Variants in NEGR1 observed in about 807,000 individuals in gnomAD.
NEGR1 encodes the protein IgLON family member 4.
Under a neutral mutation model 40.9 loss-of-function variants are expected in NEGR1, and 10 were observed. The ratio of observed to expected loss-of-function variants is 0.24; its 90% CI spans 0.15 to 0.42. The LOEUF (loss-of-function observed/expected upper bound fraction) is 0.42. Ranked by LOEUF, NEGR1 falls within the 10% of genes least tolerant of loss-of-function variation. The pLI, the probability that NEGR1 is intolerant of heterozygous loss-of-function variation, is 1.00. For synonymous variants in NEGR1, 185 were observed against 166.8 expected, an observed-to-expected ratio of 1.11 and a Z score of -0.84; for missense variants, 352 against 438.9, an observed-to-expected ratio of 0.80 and a Z score of 1.77.
At chr1:72,144,927 T>C (rs926959567) in intron 1 of NEGR1, among the ~76,000 whole-genome samples, 2 of 152,118 alleles carry the variant, frequency 1.3e-5, no homozygotes, top group Non-Finnish European at 2.9e-5. Flanking sequence ...AATATAGATA[T>C]GCAACTCAGT....
chr1:71,454,283 A>G (rs1430882139), intron 6 of NEGR1, among the ~76,000 whole-genome samples: 2 of 151,906 alleles, frequency 1.3e-5, no homozygotes, highest in Non-Finnish European at 2.9e-5. Context: ...TCTCCTTTTT[A>G]GAGCTTATGG....
intron 4 of NEGR1, among the ~76,000 whole-genome samples, chr1:71,620,436 T>C (rs570942541): frequency 1.2e-4 from 18 of 152,130 alleles, no homozygotes; most frequent in African/African-American, 4.3e-4. Flanking sequence ...ATAAGATGTG[T>C]TCAATATATT....
chr1:71,793,159 G>A (rs1352557042), intron 2 of NEGR1, among the ~76,000 whole-genome samples: 13 of 140,800 alleles, frequency 9.2e-5, no homozygotes, highest in South Asian at 4.6e-4. Flanking sequence ...TGGGCTGCCT[G>A]TAGGAACAAT....
At chr1:71,986,372 T>C (rs935594950) in intron 1 of NEGR1, among the ~76,000 whole-genome samples, 1 of 152,172 alleles carries the variant, frequency 6.6e-6, no homozygotes, top group Non-Finnish European at 1.5e-5. Flanking sequence ...TTTTCGTTTC[T>C]ACTTCTTTGA....
chr1:71,845,671 G>C (rs914703941), intron 2 of NEGR1, among the ~76,000 whole-genome samples: 2 of 152,132 alleles, frequency 1.3e-5, no homozygotes, highest in African/African-American at 4.8e-5. Context: ...GGTAGAAAGA[G>C]AGTAAGTTGA....
At chr1:72,056,904 T>C (rs567320468) in intron 1 of NEGR1, among the ~76,000 whole-genome samples, 1 of 151,692 alleles carries the variant, frequency 6.6e-6, no homozygotes, top group South Asian at 2.1e-4. Flanking sequence ...CACATAGTTA[T>C]ATTACACATG....
chr1:72,262,745 A>G (rs1655501070), intron 1 of NEGR1, among the ~76,000 whole-genome samples: 1 of 151,968 alleles, frequency 6.6e-6, no homozygotes, highest in Non-Finnish European at 1.5e-5. Context: ...ATTTGAAGAT[A>G]TTTGTCTTCT....
At chr1:71,611,944 C>T (rs752584810) in intron 4 of NEGR1, among the ~76,000 whole-genome samples, 10 of 152,118 alleles carry the variant, frequency 6.6e-5, no homozygotes, top group African/African-American at 1.9e-4. Flanking sequence ...TTGCATTGGC[C>T]GAGTGCGGTG....
chr1:71,464,521 CTAAAG>C (rs1646733396), intron 6 of NEGR1, among the ~76,000 whole-genome samples: 1 of 151,872 alleles, frequency 6.6e-6, no homozygotes, highest in South Asian at 2.1e-4. Flanking sequence ...GCCAAAAAAG[CTAAAG>C]TAATAATTTA....
intron 2 of NEGR1, among the ~76,000 whole-genome samples, chr1:71,783,715 T>C (rs1656802268): frequency 6.6e-6 from 1 of 152,192 alleles, no homozygotes; most frequent in Admixed American, 6.6e-5. Flanking sequence ...TTGCTTACTT[T>C]ACTGTTTTCT....
At chr1:71,845,920 T>C (rs1659391972) in intron 2 of NEGR1, among the ~76,000 whole-genome samples, 1 of 120,214 alleles carries the variant, frequency 8.3e-6, no homozygotes, top group Non-Finnish European at 1.7e-5. Context: ...CCACGGCACC[T>C]GGCTTTTTTT....
At chr1:71,437,356 AC>A (rs1451412247) in intron 6 of NEGR1, among the ~76,000 whole-genome samples, 2 of 152,058 alleles carry the variant, frequency 1.3e-5, no homozygotes, top group African/African-American at 4.8e-5. Flanking sequence ...TGGTTGCACA[AC>A]TCTATGAATT....
chr1:71,841,341 T>C (rs1181214770), intron 2 of NEGR1, among the ~76,000 whole-genome samples: 1 of 152,184 alleles, frequency 6.6e-6, no homozygotes, highest in Non-Finnish European at 1.5e-5. Flanking sequence ...CTTGCTATAA[T>C]TCCAGTATTC....
intron 1 of NEGR1, among the ~76,000 whole-genome samples, chr1:71,952,787 T>C (rs944756301): frequency 2.6e-5 from 4 of 151,830 alleles, no homozygotes; most frequent in African/African-American, 9.7e-5. Context: ...TGACTTTAAG[T>C]TGAAGCCAAT....
chr1:72,036,908 CA>C (rs1431299348), intron 1 of NEGR1, among the ~76,000 whole-genome samples: 14 of 151,890 alleles, frequency 9.2e-5, no homozygotes, highest in Non-Finnish European at 5.9e-5. Context: ...AAATGTGTGG[CA>C]CAAGGTAGAG....
chr1:72,216,398 T>C (rs961373853), intron 1 of NEGR1, among the ~76,000 whole-genome samples: 8 of 131,760 alleles, frequency 6.1e-5, no homozygotes, highest in Admixed American at 3.7e-4. Flanking sequence ...TATATATATA[T>C]ATACATATAT....
intron 1 of NEGR1, among the ~76,000 whole-genome samples, chr1:71,997,840 C>T (rs968120785): frequency 1.1e-4 from 17 of 151,908 alleles, no homozygotes; most frequent in African/African-American, 2.4e-4. Context: ...TATAAAATTA[C>T]ATTTAGTCTA....
chr1:71,987,181 A>G (rs1646402371), intron 1 of NEGR1, among the ~76,000 whole-genome samples: 1 of 152,176 alleles, frequency 6.6e-6, no homozygotes, highest in South Asian at 2.1e-4. Flanking sequence ...GTTAACGTCC[A>G]ATTCCCTCCC....
intron 6 of NEGR1, among the ~76,000 whole-genome samples, chr1:71,504,842 G>T (rs369780778): frequency 6.6e-6 from 1 of 152,084 alleles, no homozygotes; most frequent in South Asian, 2.1e-4. Flanking sequence ...TTCCTGAAGC[G>T]GGAACTAACC....
Sources: allele counts gnomAD v4.1 joint callset (sites outside exome capture counted in the v4.1 genomes callset), GRCh38; gene constraint gnomAD v4.1.1; transcripts MANE v1.5; gene names NCBI Gene and HGNC (gene_info 2026-07-23, HGNC 2026-07-21).